Variants in SLC25A13 observed in about 807,000 individuals in gnomAD.
SLC25A13 encodes the protein electrogenic aspartate/glutamate antiporter SLC25A13, mitochondrial.
SLC25A13 carries 70 observed loss-of-function variants against 85.5 expected under a neutral mutation model. The observed-to-expected ratio is 0.82, with a 90% confidence interval of 0.68 to 1.00. SLC25A13 has a LOEUF of 1.00. Among genes scored for constraint, SLC25A13 ranks in the 50% least tolerant of loss-of-function variants. The pLI is 0.00. For missense variants in SLC25A13, 765 were observed against 819.8 expected, an observed-to-expected ratio of 0.93 and a Z score of 0.82; for synonymous variants, 259 against 288.7, an observed-to-expected ratio of 0.90 and a Z score of 1.04.
intron 5 of SLC25A13, among the ~76,000 whole-genome samples, chr7:96,193,987 G>A (rs1221850627): frequency 6.6e-6 from 1 of 152,174 alleles, no homozygotes; most frequent in Non-Finnish European, 1.5e-5. Flanking sequence ...GGATAAGTGT[G>A]TACACAAAAG....
rs762167642 is a variant in SLC25A13, at chr7:96,322,053, G to GT, written c.-98dup. The GT allele has an allele frequency of 6.8e-7, 1 of 1,481,394 alleles. No homozygotes were observed. The highest frequency in any genetic ancestry group is 9.1e-7 in the Non-Finnish European group (1 of 1,102,802). 91.8% of individuals were successfully genotyped at this position (1,481,394 alleles called of 1,614,324 possible). ...ACTTCTAGTCCCGGCGGCGGCGGCG[G>GT]TGGGGGCGGCGATACGGCCAGGCAG... On this transcript the variant is annotated 5_prime_UTR_variant, in exon 1 of 18. Transcript: ENST00000265631.
intron 14 of SLC25A13, among the ~76,000 whole-genome samples, chr7:96,145,992 G>C (rs1475857801): frequency 6.6e-6 from 1 of 152,062 alleles, no homozygotes; most frequent in Non-Finnish European, 1.5e-5. Context: ...AGCCTTATAG[G>C]TTGGCATATA....
At chr7:96,208,554 G>A (rs565995222) in intron 5 of SLC25A13, among the ~76,000 whole-genome samples, 1 of 147,758 alleles carries the variant, frequency 6.8e-6, no homozygotes, top group South Asian at 2.1e-4. Flanking sequence ...CACCCAGGCC[G>A]GACTGCAGTG....
Position 96,188,980 on chromosome 7 carries a change from T to C in SLC25A13, c.933+314A>G, listed in dbSNP as rs190009751. Among the ~76,000 whole-genome samples the C allele has an allele frequency of 4.7e-3, 722 of 152,344 alleles. 13 individuals are homozygous for C. Among genetic ancestry groups the C allele is most frequent in the Middle Eastern group, 3.4e-3 (1 of 294 alleles). On this transcript the variant is annotated intron_variant, in intron 9 of 17. Coordinates refer to ENST00000265631, the MANE Select transcript of SLC25A13 (RefSeq NM_014251.3). ...ACAGTGACACCAACACGGGATTCTT[T>C]CGCTACATCTCTCAACATGAGACTT...
intron 5 of SLC25A13, among the ~76,000 whole-genome samples, chr7:96,195,095 T>C (rs1795009763): frequency 6.6e-6 from 1 of 152,192 alleles, no homozygotes; most frequent in African/African-American, 2.4e-5. Flanking sequence ...ACTCCCATAT[T>C]CAAGTCTCAT....
chr7:96,208,635 A>G (rs1267805618), intron 5 of SLC25A13, among the ~76,000 whole-genome samples: 1 of 151,670 alleles, frequency 6.6e-6, no homozygotes, highest in Non-Finnish European at 1.5e-5. Context: ...CCTCCCAAGT[A>G]GCTGGGACCA....
intron 2 of SLC25A13, among the ~76,000 whole-genome samples, chr7:96,279,798 G>T (rs1442276462): frequency 6.6e-6 from 1 of 152,074 alleles, no homozygotes; most frequent in Admixed American, 6.5e-5. Context: ...CTTTATCTTT[G>T]TGTGTGATCT....
In SLC25A13 at chr7:96,169,633, C is replaced by T. The variant is rs554188542; in HGVS notation, c.1311+412G>A. On this transcript the variant is annotated intron_variant, in intron 13 of 17. Coordinates refer to ENST00000265631, the MANE Select transcript of SLC25A13 (RefSeq NM_014251.3). ...TTGAACAGTTCTGCCACTTGCAAGG[C>T]AAAGCCAAGCAGAGAGCTACGGTTG... Among the ~76,000 whole-genome samples the T allele has an allele frequency of 7.0e-4, 106 of 152,260 alleles. 1 individual carries two copies. The South Asian group carries it at 0.021, about 31-fold the overall frequency.
At chr7:96,231,684 A>C (rs1796546547) in intron 4 of SLC25A13, among the ~76,000 whole-genome samples, 1 of 152,034 alleles carries the variant, frequency 6.6e-6, no homozygotes, top group South Asian at 2.1e-4. Flanking sequence ...AGATTGTGCC[A>C]CTGCATTCCA....
intron 3 of SLC25A13, among the ~76,000 whole-genome samples, chr7:96,256,274 C>G (rs906931766): frequency 2.0e-5 from 3 of 152,106 alleles, no homozygotes; most frequent in Non-Finnish European, 2.9e-5. Context: ...CACAGACTGG[C>G]AAATGGGATA....
intron 5 of SLC25A13, among the ~76,000 whole-genome samples, 192 bp from the exon 6 acceptor site, chr7:96,193,375 A>G (rs531850945): frequency 1.2e-4 from 18 of 152,280 alleles, no homozygotes; most frequent in Non-Finnish European, 1.5e-4. Context: ...ACCAATGAAC[A>G]TGTCTTGAGA....
intron 2 of SLC25A13, among the ~76,000 whole-genome samples, chr7:96,295,855 T>A (rs928447665): frequency 4.0e-5 from 6 of 150,926 alleles, no homozygotes; most frequent in African/African-American, 1.5e-4. Context: ...TATTAATATA[T>A]GTTATTAATA....
At chr7:96,219,073 T>A (rs1321717498) in intron 4 of SLC25A13, among the ~76,000 whole-genome samples, 1 of 152,154 alleles carries the variant, frequency 6.6e-6, no homozygotes, top group African/African-American at 2.4e-5. Flanking sequence ...TTCAAACCCT[T>A]TTGACAAGTG....
At chr7:96,179,329 T>G (rs936214307) in intron 11 of SLC25A13, among the ~76,000 whole-genome samples, 2 of 152,240 alleles carry the variant, frequency 1.3e-5, no homozygotes, top group East Asian at 1.9e-4. Context: ...GGTTATAAAT[T>G]ATCATTTTTG....
intron 5 of SLC25A13, among the ~76,000 whole-genome samples, chr7:96,203,758 G>C (rs1795352167): frequency 6.6e-6 from 1 of 152,078 alleles, no homozygotes; most frequent in Admixed American, 6.6e-5. Flanking sequence ...TTATAAAACA[G>C]TATCAAACAA....
rs1255681953 is a variant in SLC25A13 at position 96,276,732 on chromosome 7, C to G, written c.212+464G>C. Among the ~76,000 whole-genome samples, 3 of 152,194 alleles carry G rather than the reference C, an allele frequency of 2.0e-5. No homozygotes were observed. The East Asian group carries it at 5.8e-4, about 29-fold the overall frequency. On this transcript the variant is annotated intron_variant, in intron 3 of 17. Coordinates refer to ENST00000265631, the MANE Select transcript of SLC25A13 (RefSeq NM_014251.3). ...GTGTCCTATTTGATTCTATATGGTA[C>G]AGTTTCTTTCCTCTAGCTTTTGCAG...
rs1242883129 is a variant in SLC25A13 at position 96,321,944 on chromosome 7, TGGC to T, written c.10_12del (p.Ala4del). On this transcript the variant is annotated inframe_deletion, in exon 1 of 18. Coordinates refer to ENST00000265631, the MANE Select transcript of SLC25A13 (RefSeq NM_014251.3). Reference sequence around the variant, plus strand: ...CCCGGCCTCGGGCCCGCGGTTACCTTGGCGGCCGCCATGATTCGCCCCGGTTGC... The same window carrying T: ...CCCGGCCTCGGGCCCGCGGTTACCTTGGCCGCCATGATTCGCCCCGGTTGC... 1.9e-6 allele frequency: 3 copies of T among 1,540,604 alleles called. No individual in the cohort carries two copies. Among genetic ancestry groups the T allele is most frequent in the East Asian group, 2.5e-5 (1 of 39,232 alleles).
chr7:96,251,217 C>T (rs10953169), intron 3 of SLC25A13, among the ~76,000 whole-genome samples: 90,980 of 151,896 alleles, frequency 0.6, 27,553 homozygotes, highest in Non-Finnish European at 0.64. Context: ...GTTCAAGGTG[C>T]GGCAAGAAGA....
At position 96,168,098 on chromosome 7, in the gene SLC25A13, GAAAAAAAAAAAAAA is replaced by G. The variant is rs543491037; in HGVS notation, c.1311+1933_1311+1946del. Among the ~76,000 whole-genome samples the G allele has an allele frequency of 3.0e-4, 6 of 19,694 alleles. No homozygotes were observed. In the South Asian group the frequency reaches 0.014, roughly 44 times the overall value. The allele number at this position is 19,694 out of a possible 152,430, so 12.9% of individuals were successfully genotyped here. A position where few individuals can be genotyped will look rare whatever the true frequency, so the allele number is the denominator to read the frequency against. ...CTGGTGACAGAGCGAAACTCTGTCT[GAAAAAAAAAAAAAA>G]AAAAAAAAAAAAAAAAAGCACGTGT... On this transcript the variant is annotated intron_variant, in intron 13 of 17. Transcript: ENST00000265631.
Sources: allele counts gnomAD v4.1 joint callset (sites outside exome capture counted in the v4.1 genomes callset), GRCh38; gene constraint gnomAD v4.1.1; transcripts MANE v1.5; gene names NCBI Gene and HGNC (gene_info 2026-07-23, HGNC 2026-07-21).